Variants in AMY2B observed in about 807,000 individuals in gnomAD.
AMY2B encodes amylase alpha 2B.
In AMY2B, 63 loss-of-function variants were observed where a neutral mutation model predicts 59.3. The ratio of observed to expected loss-of-function variants is 1.06; its 90% CI spans 0.87 to 1.31. AMY2B has a LOEUF of 1.31. Among genes scored for constraint, AMY2B ranks in the 50% most tolerant of loss-of-function variants. The pLI, the probability that AMY2B is intolerant of heterozygous loss-of-function variation, is 0.00. For missense variants in AMY2B, 635 were observed against 626.7 expected, an observed-to-expected ratio of 1.01 and a Z score of -0.14; for synonymous variants, 180 against 198.1, an observed-to-expected ratio of 0.91 and a Z score of 0.77.
In AMY2B at chr1:103,575,318, C is replaced by T. The variant is rs778328913; in HGVS notation, c.974C>T (p.Ala325Val). 3.7e-6 allele frequency: 6 copies of T among 1,613,542 alleles called. No homozygotes were observed. The highest frequency in any genetic ancestry group is 4.2e-6 in the Non-Finnish European group (5 of 1,179,666). The part of the protein sequence containing the change: ...DNQRGHGAGG[A>V]SILTFWDARL... ...CAACGAGGACATGGGGCTGGAGGAG[C>T]CTCTATTCTTACCTTCTGGGATGCT... The change falls in exon 6 of 10, where the codon GCC becomes GTC. Residue 325 changes from alanine to valine, a missense_variant. Coordinates refer to ENST00000684275, the MANE Select transcript of AMY2B (RefSeq NM_001387437.1).
At chr1:103,569,828 G>A (rs1001435343), upstream of AMY2B, 44 of 459,684 alleles carry the variant, frequency 9.6e-5, no homozygotes, top group African/African-American at 8.2e-4. Context: ...CTTCTACAAG[G>A]GACTGCACAT....
At chr1:103,556,867 G>A (rs546331146) in intron 1 of AMY2B, among the ~76,000 whole-genome samples, 1 of 152,110 alleles carries the variant, frequency 6.6e-6, no homozygotes, top group African/African-American at 2.4e-5. Context: ...GTGAGTAATG[G>A]AAAGCTCTTT....
chr1:103,556,372 T>G (rs1214296243), intron 1 of AMY2B, among the ~76,000 whole-genome samples: 4 of 151,996 alleles, frequency 2.6e-5, no homozygotes, highest in Admixed American at 6.6e-5. Context: ...AAAAGAGAGA[T>G]ATGGAAAGTA....
chr1:103,564,584 T>C (rs1171424326), intron 1 of AMY2B, among the ~76,000 whole-genome samples: 1 of 152,136 alleles, frequency 6.6e-6, no homozygotes, highest in African/African-American at 2.4e-5. Context: ...CTTCATCCAA[T>C]ATCTTTTTTG....
chr1:103,566,494 A>G (rs1335838825), intron 2 of AMY2B, among the ~76,000 whole-genome samples: 1 of 152,214 alleles, frequency 6.6e-6, no homozygotes, highest in African/African-American at 2.4e-5. Flanking sequence ...TTCAACCTGT[A>G]AACATCATAA....
chr1:103,574,213 T>C, intron 4 of AMY2B, 47 bp from the exon 5 acceptor site: 1 of 1,611,428 alleles, frequency 6.2e-7, no homozygotes, highest in Non-Finnish European at 8.5e-7. Flanking sequence ...GTTAAAATGC[T>C]TTAAAGTCCT....
intron 4 of AMY2B, 97 bp downstream of exon 4, chr1:103,574,035 G>C: frequency 1.3e-6 from 2 of 1,589,192 alleles, no homozygotes; most frequent in South Asian, 1.1e-5. Flanking sequence ...GATAAGGACT[G>C]AGTCATTTAT....
At chr1:103,564,725 A>C in intron 1 of AMY2B, among the ~76,000 whole-genome samples, 1 of 152,086 alleles carries the variant, frequency 6.6e-6, no homozygotes, top group Admixed American at 6.6e-5. Context: ...TCAGTTAAGT[A>C]TTTTTTGTTC....
chr1:103,562,044 A>G (rs1291843752), intron 1 of AMY2B: 3 of 152,208 alleles, frequency 2.0e-5, no homozygotes, highest in Non-Finnish European at 4.4e-5. Context: ...TATGATTGTA[A>G]AACACTCAAC....
intron 1 of AMY2B, among the ~76,000 whole-genome samples, chr1:103,560,988 GT>G (rs1260537354): frequency 6.6e-6 from 1 of 151,986 alleles, no homozygotes; most frequent in Non-Finnish European, 1.5e-5. Flanking sequence ...TAATTTTTTA[GT>G]GTTTTTTTCT....
At chr1:103,577,112 C>A (rs938923224) in intron 7 of AMY2B, among the ~76,000 whole-genome samples, 6 of 152,028 alleles carry the variant, frequency 3.9e-5, no homozygotes, top group Admixed American at 2.0e-4. Flanking sequence ...GTGGTGCACA[C>A]CAACAGTCTT....
intron 9 of AMY2B, among the ~76,000 whole-genome samples, chr1:103,578,357 G>A (rs574367038): frequency 7.7e-4 from 117 of 152,198 alleles, no homozygotes; most frequent in Non-Finnish European, 1.4e-3. Flanking sequence ...TAAATAATAT[G>A]TATCTTGTGG....
upstream of AMY2B, chr1:103,570,029 C>T (rs544685947): frequency 7.0e-4 from 303 of 435,760 alleles, no homozygotes; most frequent in African/African-American, 5.8e-3. Flanking sequence ...GATGGGGTCA[C>T]CCACATGGTG....
rs145924837 is a variant in AMY2B at position 103,564,417 on chromosome 1, C to T, written c.-206-1018C>T. Among the ~76,000 whole-genome samples, 714 of 152,174 alleles carry T rather than the reference C, an allele frequency of 4.7e-3. 5 individuals are homozygous for T. The highest frequency in any genetic ancestry group is 8.5e-3 in the South Asian group (41 of 4,810). ...TTCTATTTAAATTCTGATACTCACC[C>T]GTATCCAGTTAGTTTGTTGTACTCC... On this transcript the variant is annotated intron_variant, in intron 1 of 11. Transcript: ENST00000361355.
At chr1:103,558,799 T>C (rs1557764801) in intron 1 of AMY2B, among the ~76,000 whole-genome samples, 1 of 151,840 alleles carries the variant, frequency 6.6e-6, no homozygotes. Context: ...AATACATTTT[T>C]CCTCTGTCTC....
At chr1:103,578,756 T>G (rs1262873546) in intron 9 of AMY2B, among the ~76,000 whole-genome samples, 1 of 151,760 alleles carries the variant, frequency 6.6e-6, no homozygotes, top group Non-Finnish European at 1.5e-5. Flanking sequence ...ATTGTTTCTA[T>G]GTATGCCCCA....
At chr1:103,578,266 G>T (rs1457184791) in intron 9 of AMY2B, among the ~76,000 whole-genome samples, 2 of 151,970 alleles carry the variant, frequency 1.3e-5, no homozygotes, top group African/African-American at 4.8e-5. Context: ...TTTTCTCAAT[G>T]ACTGCTCTAT....
chr1:103,572,325 C>T, intron 2 of AMY2B, 69 bp downstream of exon 2: 1 of 1,556,102 alleles, frequency 6.4e-7, no homozygotes, highest in Non-Finnish European at 8.6e-7. Flanking sequence ...CTTTCTTGCT[C>T]CTTTTCAGCA....
chr1:103,571,412 T>C, upstream of AMY2B: 2 of 1,294,702 alleles, frequency 1.5e-6, no homozygotes, highest in Non-Finnish European at 2.1e-6. Flanking sequence ...TAAAAGGTCA[T>C]TTAGATGATT....
Sources: gnomAD v4.1 joint callset for allele counts (sites outside exome capture counted in the v4.1 genomes callset) on GRCh38, gnomAD v4.1.1 for gene constraint, MANE v1.5 for transcripts, NCBI Gene and HGNC (gene_info 2026-07-23, HGNC 2026-07-21) for gene names.